The following LHFPL2 variants were observed in gnomAD, a reference collection of about 807,000 sequenced individuals.
The protein encoded by LHFPL2 is LHFPL tetraspan subfamily member 2 protein.
LHFPL2 carries 7 observed loss-of-function variants against 17.5 expected under a neutral mutation model. The observed-to-expected ratio is 0.40, with a 90% CI of 0.23 to 0.75. The LOEUF (loss-of-function observed/expected upper bound fraction) is 0.75, where lower values mean the gene tolerates loss of function less well. Among genes scored for constraint, LHFPL2 ranks in the 30% least tolerant of loss-of-function variants. LHFPL2 has a pLI of 0.37. For synonymous variants in LHFPL2, 134 were observed against 116.2 expected, an observed-to-expected ratio of 1.15 and a Z score of -0.99; for missense variants, 241 against 294.8, an observed-to-expected ratio of 0.82 and a Z score of 1.34.
intron 3 of LHFPL2, among the ~76,000 whole-genome samples, chr5:78,541,993 T>C (rs1375414821): frequency 6.6e-6 from 1 of 152,178 alleles, no homozygotes; most frequent in Non-Finnish European, 1.5e-5. Context: ...ACCTAGAGTT[T>C]GAATTATGAC....
intron 2 of LHFPL2, among the ~76,000 whole-genome samples, chr5:78,580,460 A>C (rs1487016630): frequency 2.7e-5 from 4 of 150,546 alleles, no homozygotes; most frequent in African/African-American, 9.7e-5. Flanking sequence ...GTTTTCTTCT[A>C]GGGTTTTTAC....
rs1440452546 is a variant in LHFPL2 at position 78,576,510 on chromosome 5, C to CTGTGT, written c.-244-11644_-244-11640dup. On this transcript the variant is annotated intron_variant, in intron 2 of 4. Transcript: ENST00000380345. ...CCCACAGGTGCTCATGAACCATGAG[C>CTGTGT]TGTGTCTCTTTAAGGGCAGTGGAGG... Among the ~76,000 whole-genome samples, 3 of 152,262 alleles carry CTGTGT rather than the reference C, an allele frequency of 2.0e-5. No homozygotes were observed. In the East Asian group the frequency reaches 5.8e-4, roughly 29 times the overall value.
rs1220716522 is a variant in LHFPL2, at chr5:78,488,753, C to T, written c.*144G>A. ...AGTAACTTTGCGTAGCTGGATGTGG[C>T]CTCTCATTGGTCCTGTTTAAGCCTC... is the stretch of plus-strand genomic sequence containing the variant. On this transcript the variant is annotated 3_prime_UTR_variant, in exon 5 of 5. Transcript: ENST00000380345. The T allele has an allele frequency of 2.3e-5, 19 of 815,940 alleles. No homozygotes were observed. The East Asian group carries it at 4.4e-4, about 19-fold the overall frequency. 50.5% of individuals were successfully genotyped at this position (815,940 alleles called of 1,614,324 possible).
At chr5:78,522,024 A>G (rs1196684034) in intron 3 of LHFPL2, among the ~76,000 whole-genome samples, 1 of 152,242 alleles carries the variant, frequency 6.6e-6, no homozygotes, top group Non-Finnish European at 1.5e-5. Context: ...GTAAAGCTGC[A>G]TCAATTCTGC....
At chr5:78,524,852 G>A (rs1580774424) in intron 3 of LHFPL2, among the ~76,000 whole-genome samples, 2 of 151,872 alleles carry the variant, frequency 1.3e-5, no homozygotes, top group East Asian at 3.8e-4. Context: ...TCCCTGTTGA[G>A]TATTTTTTAA....
At chr5:78,512,057 A>T (rs1448327468) in intron 3 of LHFPL2, among the ~76,000 whole-genome samples, 5 of 152,098 alleles carry the variant, frequency 3.3e-5, no homozygotes, top group Non-Finnish European at 7.3e-5. Flanking sequence ...CTACTGAAGC[A>T]CCCAGCACAG....
At chr5:78,510,729 T>A (rs962583120) in intron 3 of LHFPL2, among the ~76,000 whole-genome samples, 1 of 152,212 alleles carries the variant, frequency 6.6e-6, no homozygotes, top group Non-Finnish European at 1.5e-5. Context: ...CCCTCATCTT[T>A]TACTGGAAAA....
In LHFPL2 at chr5:78,486,004, C is replaced by T. The variant is rs955537550; in HGVS notation, c.*2893G>A. The T allele has an allele frequency of 1.3e-5, 2 of 152,572 alleles. No individual in the cohort carries two copies. The highest frequency in any genetic ancestry group is 2.9e-5 in the Non-Finnish European group (2 of 68,028). 9.5% of individuals were successfully genotyped at this position (152,572 alleles called of 1,614,324 possible). On this transcript the variant is annotated 3_prime_UTR_variant, in exon 5 of 5. Coordinates refer to ENST00000380345, the MANE Select transcript of LHFPL2 (RefSeq NM_005779.3). ...AAACATCCCTGTTTTGACTCCTGTCCAGTTTCCAAAACAAAACAACAAAAC... is the reference window on the plus strand; with the variant it reads ...AAACATCCCTGTTTTGACTCCTGTCTAGTTTCCAAAACAAAACAACAAAAC...
chr5:78,581,582 T>C (rs1743142284), intron 2 of LHFPL2, among the ~76,000 whole-genome samples: 1 of 152,206 alleles, frequency 6.6e-6, no homozygotes, highest in Non-Finnish European at 1.5e-5. Flanking sequence ...GTTTATATGC[T>C]GGATTACATT....
At chr5:78,622,247 G>A (rs868707397) in intron 2 of LHFPL2, among the ~76,000 whole-genome samples, 15 of 152,082 alleles carry the variant, frequency 9.9e-5, no homozygotes, top group African/African-American at 1.9e-4. Flanking sequence ...CTACCTAAAC[G>A]CTCTGAGCAC....
At chr5:78,619,445 G>C (rs926406182) in intron 2 of LHFPL2, among the ~76,000 whole-genome samples, 1 of 151,480 alleles carries the variant, frequency 6.6e-6, no homozygotes. Context: ...TCATCCTTTA[G>C]AGTTTACAGT....
chr5:78,609,753 T>C (rs1402253513), intron 2 of LHFPL2, among the ~76,000 whole-genome samples: 1 of 152,144 alleles, frequency 6.6e-6, no homozygotes, highest in Non-Finnish European at 1.5e-5. Context: ...TCTTTGAATT[T>C]TCTACAATAA....
chr5:78,580,193 GTTGT>G (rs1295063438), intron 2 of LHFPL2, among the ~76,000 whole-genome samples: 58 of 152,216 alleles, frequency 3.8e-4, no homozygotes, highest in African/African-American at 1.2e-3. Context: ...TTTTGATGGG[GTTGT>G]TTGTTTTTTT....
chr5:78,493,872 C>A (rs376220186), intron 4 of LHFPL2, among the ~76,000 whole-genome samples: 1 of 152,092 alleles, frequency 6.6e-6, no homozygotes. Context: ...GTAACAGATA[C>A]GAAGTTTGCT....
At chr5:78,571,078 C>T (rs554539718) in intron 2 of LHFPL2, among the ~76,000 whole-genome samples, 322 of 152,268 alleles carry the variant, frequency 2.1e-3, no homozygotes, top group African/African-American at 7.3e-3. Flanking sequence ...CCTCCGGTTC[C>T]TTCTCGCATC....
chr5:78,567,184 G>T (rs373969634), intron 2 of LHFPL2, among the ~76,000 whole-genome samples: 1 of 152,076 alleles, frequency 6.6e-6, no homozygotes. Flanking sequence ...GCATTTTCTA[G>T]AATCAATTAA....
intron 2 of LHFPL2, among the ~76,000 whole-genome samples, chr5:78,607,712 G>C (rs1744270618): frequency 6.6e-6 from 1 of 152,168 alleles, no homozygotes. Flanking sequence ...GGCTTTACCT[G>C]ATAAGACAAG....
intron 2 of LHFPL2, among the ~76,000 whole-genome samples, chr5:78,566,413 A>G (rs1756860409): frequency 6.6e-6 from 1 of 152,230 alleles, no homozygotes; most frequent in Non-Finnish European, 1.5e-5. Context: ...ATAAAAATAT[A>G]CAAAAGAATT....
chr5:78,515,123 C>T (rs1280932529), intron 3 of LHFPL2, among the ~76,000 whole-genome samples: 1 of 152,164 alleles, frequency 6.6e-6, no homozygotes, highest in Non-Finnish European at 1.5e-5. Flanking sequence ...CCCTTATATC[C>T]AAAGCCTAGT....
Sources: allele counts gnomAD v4.1 joint callset (sites outside exome capture counted in the v4.1 genomes callset), GRCh38; gene constraint gnomAD v4.1.1; transcripts MANE v1.5; gene names NCBI Gene and HGNC (gene_info 2026-07-23, HGNC 2026-07-21).